Variants in TAX1BP1 observed in about 807,000 individuals in gnomAD.
TAX1BP1 encodes tax1-binding protein 1.
Under a neutral mutation model 97.7 loss-of-function variants are expected in TAX1BP1, and 62 were observed. The observed-to-expected ratio is 0.63, with a 90% CI of 0.52 to 0.78. TAX1BP1 has a LOEUF of 0.78. Ranked by LOEUF, TAX1BP1 falls within the 30% of genes least tolerant of loss-of-function variation. The pLI is 0.00. For missense variants in TAX1BP1, 867 were observed against 916.1 expected, an observed-to-expected ratio of 0.95 and a Z score of 0.69; for synonymous variants, 340 against 304.2, an observed-to-expected ratio of 1.12 and a Z score of -1.23.
At chr7:27,754,216 A>G (rs1788124924) in intron 2 of TAX1BP1, among the ~76,000 whole-genome samples, 2 of 152,062 alleles carry the variant, frequency 1.3e-5, no homozygotes, top group South Asian at 4.1e-4. Context: ...TTATGCTTGA[A>G]TATCCTGTTT....
At chr7:27,810,801 C>T (rs985666520) in intron 13 of TAX1BP1, among the ~76,000 whole-genome samples, 1 of 152,126 alleles carries the variant, frequency 6.6e-6, no homozygotes, top group Non-Finnish European at 1.5e-5. Flanking sequence ...GCATCCTTTG[C>T]TCTAGTCATA....
intron 1 of TAX1BP1, among the ~76,000 whole-genome samples, chr7:27,741,361 C>T (rs74813391): frequency 9.8e-5 from 15 of 152,318 alleles, no homozygotes; most frequent in African/African-American, 3.6e-4. Context: ...CAGCCTTTCT[C>T]TTTCGTTCTG....
chr7:27,803,212 TCA>T, intron 13 of TAX1BP1: 5 of 1,482,688 alleles, frequency 3.4e-6, no homozygotes, highest in Non-Finnish European at 4.5e-6. Context: ...CAAATGTGTA[TCA>T]CATGAAACTG....
At position 27,782,514 on chromosome 7, in the gene TAX1BP1, T is replaced by A. The variant is rs1789301918; in HGVS notation, c.613-2649T>A. On this transcript the variant is annotated intron_variant, in intron 5 of 16. Transcript: ENST00000396319. ...ACCCACCCACCTAGGCCCCCCAAAG[T>A]GCTGGGATTACAGATGTGAGCTGCC... 5.3e-5 allele frequency among the ~76,000 whole-genome samples: 8 copies of A among 152,212 alleles called. No individual in the cohort carries two copies. The South Asian group carries it at 1.5e-3, about 28-fold the overall frequency.
intron 1 of TAX1BP1, among the ~76,000 whole-genome samples, chr7:27,742,661 T>G (rs1471101152): frequency 1.3e-5 from 2 of 152,066 alleles, no homozygotes; most frequent in Non-Finnish European, 2.9e-5. Flanking sequence ...AGAGACGAGG[T>G]TTCTCCATGT....
At chr7:27,765,022 T>G (rs1172682762) in intron 3 of TAX1BP1, among the ~76,000 whole-genome samples, 2 of 143,428 alleles carry the variant, frequency 1.4e-5, no homozygotes, top group Non-Finnish European at 3.0e-5. Context: ...TTTTTTTTTT[T>G]TTTTTTTTTT....
At chr7:27,792,257 A>G (rs200219850) in intron 9 of TAX1BP1, 27 bp downstream of exon 9, 362 of 1,556,942 alleles carry the variant, frequency 2.3e-4, no homozygotes, top group Non-Finnish European at 3.0e-4. Flanking sequence ...TTGAATTTGC[A>G]TTTTGATTTA....
At chr7:27,807,710 T>A (rs767883891) in intron 13 of TAX1BP1, among the ~76,000 whole-genome samples, 13 of 152,168 alleles carry the variant, frequency 8.5e-5, no homozygotes, top group Non-Finnish European at 1.9e-4. Flanking sequence ...TGTAAATATC[T>A]TGTTCTTTAT....
chr7:27,795,068 G>C (rs1583715963), intron 11 of TAX1BP1, among the ~76,000 whole-genome samples: 2 of 152,262 alleles, frequency 1.3e-5, no homozygotes, highest in African/African-American at 4.8e-5. Flanking sequence ...TCACTTTTAT[G>C]TAAATTTGAC....
At chr7:27,801,086 A>G (rs1385733306) in intron 13 of TAX1BP1, among the ~76,000 whole-genome samples, 1 of 144,744 alleles carries the variant, frequency 6.9e-6, no homozygotes, top group African/African-American at 2.6e-5. Flanking sequence ...CCCGGGTGAC[A>G]GTGTGAGACT....
At chr7:27,746,797 T>C (rs1467661863) in intron 1 of TAX1BP1, among the ~76,000 whole-genome samples, 1 of 152,128 alleles carries the variant, frequency 6.6e-6, no homozygotes, top group Non-Finnish European at 1.5e-5. Flanking sequence ...GGTTTCCAGG[T>C]TCATGATTGA....
In TAX1BP1 at chr7:27,827,744, G is replaced by A. The variant is rs1257246431; in HGVS notation, c.2092G>A (p.Glu698Lys). 2 of 1,612,664 alleles carry A rather than the reference G, an allele frequency of 1.2e-6. No individual in the cohort carries two copies. Among genetic ancestry groups the A allele is most frequent in the Non-Finnish European group, 1.7e-6 (2 of 1,179,396 alleles). The change falls in exon 16 of 17, where the codon GAG becomes AAG. Residue 698 changes from glutamate to lysine, a missense_variant. Physicochemically the swap from Glu to Lys is moderately conservative, Grantham distance 56. Transcript: ENST00000396319. ...LEDSEDSKEDENVPTAPDPPS... is the reference protein window; with the variant it reads ...LEDSEDSKEDKNVPTAPDPPS... ...AAAATTATTTTTCCCCTAGGAAGAT[G>A]AGAATGTGCCTACTGCTCCTGATCC... is the stretch of plus-strand genomic sequence containing the variant.
chr7:27,808,625 C>T (rs538117366), intron 13 of TAX1BP1, among the ~76,000 whole-genome samples: 1 of 152,220 alleles, frequency 6.6e-6, no homozygotes, highest in East Asian at 1.9e-4. Context: ...GTTGGAGTAT[C>T]AGAAACATCC....
At chr7:27,783,107 CTT>C in intron 5 of TAX1BP1, among the ~76,000 whole-genome samples, 1 of 152,216 alleles carries the variant, frequency 6.6e-6, no homozygotes, top group East Asian at 1.9e-4. Flanking sequence ...ACTCAAATCT[CTT>C]TATCTCCCTT....
At chr7:27,761,317 C>T (rs1218270255) in intron 3 of TAX1BP1, among the ~76,000 whole-genome samples, 1 of 152,088 alleles carries the variant, frequency 6.6e-6, no homozygotes, top group South Asian at 2.1e-4. Context: ...AATTGATGGA[C>T]CAATATTAAT....
chr7:27,820,969 A>G (rs890293491), intron 15 of TAX1BP1, among the ~76,000 whole-genome samples: 3 of 152,220 alleles, frequency 2.0e-5, no homozygotes, highest in African/African-American at 7.2e-5. Context: ...TGAAAATCCA[A>G]AGTCCACAGT....
chr7:27,816,879 T>C lies in TAX1BP1; in HGVS notation c.1937-11T>C, dbSNP rs550598842. ...CAGTTTCACTCTACCTTTCCAAAAA[T>C]TTTATTACAGATGGAGCAGATGGTG... On this transcript the variant is annotated splice_polypyrimidine_tract_variant and intron_variant, in intron 14 of 16. Transcript: ENST00000396319. 1.9e-6 allele frequency: 3 copies of C among 1,613,390 alleles called. No individual in the cohort carries two copies. The highest frequency in any genetic ancestry group is 1.7e-5 in the Admixed American group (1 of 59,742).
intron 3 of TAX1BP1, among the ~76,000 whole-genome samples, chr7:27,760,570 A>T (rs1426746173): frequency 1.3e-5 from 2 of 151,196 alleles, no homozygotes; most frequent in African/African-American, 4.9e-5. Context: ...TTTTTTTTGT[A>T]TTTTTAGTAG....
intron 5 of TAX1BP1, 132 bp from the exon 6 acceptor site, chr7:27,785,026 TCTTAG>T (rs1789421682): frequency 1.0e-5 from 8 of 775,906 alleles, no homozygotes; most frequent in South Asian, 2.3e-5. Flanking sequence ...AGTTTTATAG[TCTTAG>T]CTTCTCAAAT....
Sources: gnomAD v4.1 joint callset for allele counts (sites outside exome capture counted in the v4.1 genomes callset) on GRCh38, gnomAD v4.1.1 for gene constraint, MANE v1.5 for transcripts, NCBI Gene and HGNC (gene_info 2026-07-23, HGNC 2026-07-21) for gene names.